TMEM150C: variants seen among roughly 807,000 people sequenced by gnomAD.
The protein encoded by TMEM150C is tentonin 3.
A neutral mutation model predicts 29.9 loss-of-function variants in TMEM150C; 10 were observed. The ratio of observed to expected loss-of-function variants is 0.33; its 90% CI spans 0.21 to 0.57. TMEM150C has a LOEUF of 0.57. Among genes scored for constraint, TMEM150C ranks in the 20% least tolerant of loss-of-function variants. The pLI is 0.88. For synonymous variants in TMEM150C, 101 were observed against 112.5 expected, an observed-to-expected ratio of 0.90 and a Z score of 0.64; for missense variants, 251 against 303.6, an observed-to-expected ratio of 0.83 and a Z score of 1.29.
intron 1 of TMEM150C, among the ~76,000 whole-genome samples, chr4:82,507,727 CTTTTTTTTTTTTTTTTTT>C (rs869112887): frequency 1.7e-3 from 34 of 20,590 alleles, no homozygotes; most frequent in South Asian, 0.011. Flanking sequence ...CTCTCTCTCT[CTTTTTTTTTTTTTTTTTT>C]TTTTTTTTTT....
intron 1 of TMEM150C, among the ~76,000 whole-genome samples, chr4:82,513,415 G>A (rs1724193856): frequency 6.6e-6 from 1 of 151,936 alleles, no homozygotes; most frequent in African/African-American, 2.4e-5. Context: ...TTGTTTAATG[G>A]GTATGGAGTT....
chr4:82,551,484 T>A (rs151328771), intron 1 of TMEM150C, among the ~76,000 whole-genome samples: 1 of 152,314 alleles, frequency 6.6e-6, no homozygotes, highest in East Asian at 1.9e-4. Context: ...GGACATTCCA[T>A]GAGGTTTGCT....
intron 1 of TMEM150C, among the ~76,000 whole-genome samples, chr4:82,528,427 C>G (rs908363769): frequency 2.0e-5 from 3 of 152,166 alleles, no homozygotes; most frequent in African/African-American, 7.2e-5. Flanking sequence ...GGGGACCACA[C>G]TTTGAGAACC....
At chr4:82,524,102 C>CAA (rs75621252) in intron 1 of TMEM150C, among the ~76,000 whole-genome samples, 10,446 of 109,366 alleles carry the variant, frequency 0.096, 634 homozygotes, top group African/African-American at 0.2. Context: ...ACTAAAAATA[C>CAA]AAAAAAAAAA....
At chr4:82,538,357 C>T (rs9990581) in intron 1 of TMEM150C, among the ~76,000 whole-genome samples, 10,244 of 152,134 alleles carry the variant, frequency 0.067, 557 homozygotes, top group African/African-American at 0.14. Context: ...CGCACCCAGC[C>T]TATGCATTAT....
chr4:82,558,470 T>G (rs543918107), intron 1 of TMEM150C, among the ~76,000 whole-genome samples: 1 of 152,328 alleles, frequency 6.6e-6, no homozygotes, highest in South Asian at 2.1e-4. Context: ...CCAAAGCTGG[T>G]TTGACTCAGA....
intron 1 of TMEM150C, among the ~76,000 whole-genome samples, chr4:82,523,483 A>T (rs535826729): frequency 3.3e-5 from 5 of 152,214 alleles, no homozygotes; most frequent in East Asian, 3.9e-4. Context: ...GTTGCCAGGA[A>T]CATGTGAGGC....
At chr4:82,558,165 G>A (rs1218092663) in intron 1 of TMEM150C, among the ~76,000 whole-genome samples, 1 of 152,050 alleles carries the variant, frequency 6.6e-6, no homozygotes, top group Non-Finnish European at 1.5e-5. Flanking sequence ...GGAAATATGG[G>A]GAGAAAATTC....
chr4:82,548,877 C>A (rs527878888), intron 1 of TMEM150C, among the ~76,000 whole-genome samples: 1 of 152,290 alleles, frequency 6.6e-6, no homozygotes, highest in South Asian at 2.1e-4. Flanking sequence ...CTTGTGTGTG[C>A]AGGAAACAGA....
chr4:82,533,573 C>G (rs1281480294), intron 1 of TMEM150C, among the ~76,000 whole-genome samples: 1 of 152,150 alleles, frequency 6.6e-6, no homozygotes, highest in African/African-American at 2.4e-5. Context: ...AAAAAGACAT[C>G]AATTATTACT....
intron 1 of TMEM150C, among the ~76,000 whole-genome samples, chr4:82,553,244 G>A (rs1725639307): frequency 1.3e-5 from 2 of 152,012 alleles, no homozygotes; most frequent in African/African-American, 4.8e-5. Context: ...AATGCCCTAA[G>A]ACAAAAACAT....
At chr4:82,548,830 T>C (rs1725469195) in intron 1 of TMEM150C, among the ~76,000 whole-genome samples, 1 of 152,194 alleles carries the variant, frequency 6.6e-6, no homozygotes, top group African/African-American at 2.4e-5. Flanking sequence ...TGCATGCAGA[T>C]GTCAGGGCAT....
chr4:82,499,716 C>G (rs1723668862), intron 5 of TMEM150C, among the ~76,000 whole-genome samples: 1 of 75,438 alleles, frequency 1.3e-5, no homozygotes, highest in African/African-American at 1.1e-4. Context: ...GAGACTCCGT[C>G]TCCAAAAAAA....
intron 1 of TMEM150C, among the ~76,000 whole-genome samples, chr4:82,505,060 GA>G (rs976753912): frequency 4.6e-5 from 7 of 150,652 alleles, no homozygotes; most frequent in African/African-American, 9.7e-5. Flanking sequence ...TAGTCTAACT[GA>G]AAAAAAAAGT....
intron 1 of TMEM150C, among the ~76,000 whole-genome samples, chr4:82,537,978 C>A (rs113385900): frequency 0.025 from 3,758 of 152,112 alleles, 149 homozygotes; most frequent in African/African-American, 0.086. Context: ...TTGTGGCAGC[C>A]CTTGGAAACT....
At chr4:82,507,720 TCTCTC>T (rs1723973326) in intron 1 of TMEM150C, among the ~76,000 whole-genome samples, 1 of 78,220 alleles carries the variant, frequency 1.3e-5, no homozygotes, top group African/African-American at 8.2e-5. Flanking sequence ...ACTCTCTCTC[TCTCTC>T]TCTTTTTTTT....
intron 6 of TMEM150C, among the ~76,000 whole-genome samples, chr4:82,492,809 AACAAC>A (rs1723404143): frequency 2.6e-5 from 3 of 114,598 alleles, no homozygotes; most frequent in African/African-American, 3.5e-5. Context: ...AAAAAAAAAA[AACAAC>A]AAAGTCTATC....
intron 1 of TMEM150C, among the ~76,000 whole-genome samples, chr4:82,534,745 T>C (rs1268888385): frequency 6.6e-6 from 1 of 152,188 alleles, no homozygotes; most frequent in Non-Finnish European, 1.5e-5. Context: ...CAAGTGATTG[T>C]AATACACATT....
chr4:82,485,488 A>G lies in TMEM150C; in HGVS notation c.*23T>C. The G allele has an allele frequency of 6.4e-7, 1 of 1,568,864 alleles. No individual in the cohort carries two copies. On this transcript the variant is annotated 3_prime_UTR_variant, in exon 8 of 8. Coordinates refer to ENST00000449862, the MANE Select transcript of TMEM150C (RefSeq NM_001080506.3). ...CCTCCCCCACTGTCACACCCACCTCACCAGCAAGGAAAAACTGATGGTTTA... is the reference window on the plus strand; with the variant it reads ...CCTCCCCCACTGTCACACCCACCTCGCCAGCAAGGAAAAACTGATGGTTTA...
Sources: gnomAD v4.1 joint callset for allele counts (sites outside exome capture counted in the v4.1 genomes callset) on GRCh38, gnomAD v4.1.1 for gene constraint, MANE v1.5 for transcripts, NCBI Gene and HGNC (gene_info 2026-07-23, HGNC 2026-07-21) for gene names.